The following FBXL7 variants were observed in gnomAD, a reference collection of about 807,000 sequenced individuals.
FBXL7 encodes the protein F-box and leucine rich repeat protein 7.
A neutral mutation model predicts 38.3 loss-of-function variants in FBXL7; 12 were observed. The observed-to-expected ratio is 0.31, with a 90% CI of 0.20 to 0.51. The LOEUF (loss-of-function observed/expected upper bound fraction) is 0.51. FBXL7 is among the 20% of genes least tolerant of loss of function. The pLI is 0.98. For synonymous variants in FBXL7, 297 were observed against 300.9 expected (o/e 0.99, Z 0.13); for missense variants, 567 against 676.4 (o/e 0.84, Z 1.79).
At chr5:15,778,872 T>A (rs555292855) in intron 2 of FBXL7, among the ~76,000 whole-genome samples, 2 of 152,096 alleles carry the variant, frequency 1.3e-5, no homozygotes, top group African/African-American at 4.8e-5. Context: ...AAGGATAATC[T>A]TGCTAGGGAT....
chr5:15,760,532 C>T (rs1736414449), intron 2 of FBXL7, among the ~76,000 whole-genome samples: 1 of 151,926 alleles, frequency 6.6e-6, no homozygotes, highest in Admixed American at 6.6e-5. Flanking sequence ...CTCATCATTG[C>T]CTAACACATT....
intron 1 of FBXL7, among the ~76,000 whole-genome samples, chr5:15,569,503 G>A (rs1195336658): frequency 2.0e-5 from 3 of 151,118 alleles, no homozygotes; most frequent in African/African-American, 7.3e-5. Context: ...GAGACGATGG[G>A]GTTTTCTAGA....
At chr5:15,529,980 T>C (rs1378430946) in intron 1 of FBXL7, among the ~76,000 whole-genome samples, 1 of 152,178 alleles carries the variant, frequency 6.6e-6, no homozygotes, top group Non-Finnish European at 1.5e-5. Context: ...GAAGTGTATA[T>C]TGATATCTGT....
intron 1 of FBXL7, among the ~76,000 whole-genome samples, chr5:15,562,541 CT>C (rs941006834): frequency 6.6e-6 from 1 of 151,908 alleles, no homozygotes; most frequent in Non-Finnish European, 1.5e-5. Flanking sequence ...TTATACCTCA[CT>C]TTTTTTTAGT....
chr5:15,751,777 G>A (rs1235740022), intron 2 of FBXL7, among the ~76,000 whole-genome samples: 1 of 152,146 alleles, frequency 6.6e-6, no homozygotes, highest in Admixed American at 6.6e-5. Context: ...GGTGTTTGGA[G>A]GATTTGCTCT....
intron 2 of FBXL7, among the ~76,000 whole-genome samples, chr5:15,912,480 G>GCAGAAA (rs1741461090): frequency 3.4e-5 from 5 of 148,850 alleles, no homozygotes; most frequent in Non-Finnish European, 5.9e-5. Flanking sequence ...GAAATCACCC[G>GCAGAAA]TCTTCTGCGT....
chr5:15,690,796 G>C (rs982136667), intron 2 of FBXL7, among the ~76,000 whole-genome samples: 13 of 152,276 alleles, frequency 8.5e-5, no homozygotes, highest in African/African-American at 2.4e-4. Flanking sequence ...GGAATGTTGT[G>C]GGGGTGGAGG....
At chr5:15,801,268 T>C (rs1310088531) in intron 2 of FBXL7, among the ~76,000 whole-genome samples, 3 of 152,130 alleles carry the variant, frequency 2.0e-5, no homozygotes, top group Non-Finnish European at 4.4e-5. Flanking sequence ...GACTAATCAT[T>C]ATAAGGGATT....
chr5:15,628,476 A>T lies in FBXL7; in HGVS notation c.127+12404A>T, dbSNP rs535150321. Among the ~76,000 whole-genome samples, 59 of 152,300 alleles carry T rather than the reference A, an allele frequency of 3.9e-4. 1 individual carries two copies. The highest frequency in any genetic ancestry group is 2.5e-3 in the South Asian group (12 of 4,828). Reference sequence around the variant, plus strand: ...CTTTAGTCAAGTCTATGAAACTCACAACATGCTTGGTGGGGATAGATTTAC... The same window carrying T: ...CTTTAGTCAAGTCTATGAAACTCACTACATGCTTGGTGGGGATAGATTTAC... On this transcript the variant is annotated intron_variant, in intron 2 of 3. Transcript: ENST00000504595.
At position 15,836,731 on chromosome 5, in the gene FBXL7, A is replaced by G. The variant is rs1362992966; in HGVS notation, c.128-91159A>G. On this transcript the variant is annotated intron_variant, in intron 2 of 3. Coordinates refer to ENST00000504595, the MANE Select transcript of FBXL7 (RefSeq NM_012304.5). ...GTGATGCAGTATGCCCCATTTAGTC[A>G]GAGGTACTCTTCAAGTTTAGGAGCA... 1.3e-4 allele frequency among the ~76,000 whole-genome samples: 20 copies of G among 152,188 alleles called. 1 individual carries two copies. The highest frequency in any genetic ancestry group is 1.3e-3 in the Admixed American group (20 of 15,276).
chr5:15,919,511 G>T lies in FBXL7; in HGVS notation c.128-8379G>T, dbSNP rs371526574. Among the ~76,000 whole-genome samples, 17 of 152,140 alleles carry T rather than the reference G, an allele frequency of 1.1e-4. No homozygotes were observed. The East Asian group carries it at 3.1e-3, about 28-fold the overall frequency. On this transcript the variant is annotated intron_variant, in intron 2 of 3. Coordinates refer to ENST00000504595, the MANE Select transcript of FBXL7 (RefSeq NM_012304.5). ...GTAATTTAAGAATAAAAAACATACT[G>T]TTCCCACACAAATACTTGAAAGTAT... is the stretch of plus-strand genomic sequence containing the variant.
chr5:15,840,237 T>C (rs1475488924), intron 2 of FBXL7, among the ~76,000 whole-genome samples: 1 of 152,164 alleles, frequency 6.6e-6, no homozygotes, highest in Non-Finnish European at 1.5e-5. Flanking sequence ...TGAAAAGTCT[T>C]TTTTATGTGC....
At chr5:15,889,775 C>T (rs1191367689) in intron 2 of FBXL7, among the ~76,000 whole-genome samples, 2 of 152,210 alleles carry the variant, frequency 1.3e-5, no homozygotes, top group Non-Finnish European at 2.9e-5. Context: ...GCATATGGCA[C>T]TGTGCATTGA....
intron 2 of FBXL7, among the ~76,000 whole-genome samples, chr5:15,664,116 A>G (rs1486465801): frequency 1.3e-5 from 2 of 151,962 alleles, no homozygotes; most frequent in Non-Finnish European, 2.9e-5. Context: ...GTTTAGTTAT[A>G]TCTCTTAGAA....
intron 2 of FBXL7, among the ~76,000 whole-genome samples, chr5:15,639,859 C>T (rs1741301824): frequency 6.6e-6 from 1 of 152,092 alleles, no homozygotes; most frequent in African/African-American, 2.4e-5. Flanking sequence ...CGAGGGAACA[C>T]AGACAATGCT....
intron 1 of FBXL7, among the ~76,000 whole-genome samples, chr5:15,586,795 T>C (rs1739321521): frequency 6.6e-6 from 1 of 152,212 alleles, no homozygotes; most frequent in Non-Finnish European, 1.5e-5. Context: ...AAAAACACTT[T>C]AAAAATTTCA....
chr5:15,595,632 A>G (rs1340426711), intron 1 of FBXL7, among the ~76,000 whole-genome samples: 1 of 152,190 alleles, frequency 6.6e-6, no homozygotes, highest in Non-Finnish European at 1.5e-5. Context: ...GGTGCTTTAC[A>G]TGTGTTAATT....
chr5:15,924,469 T>TA (rs34166844), intron 2 of FBXL7, among the ~76,000 whole-genome samples: 40,337 of 151,880 alleles, frequency 0.27, 5,427 homozygotes, highest in Admixed American at 0.35. Flanking sequence ...TAATACTGTG[T>TA]AAAAAATCAC....
intron 2 of FBXL7, among the ~76,000 whole-genome samples, chr5:15,866,141 GAAA>G (rs984288113): frequency 6.6e-5 from 10 of 151,578 alleles, no homozygotes; most frequent in African/African-American, 2.4e-4. Flanking sequence ...TTTGTTACTG[GAAA>G]AAAAAGTCTC....
Sources: gnomAD v4.1 joint callset for allele counts (sites outside exome capture counted in the v4.1 genomes callset) on GRCh38, gnomAD v4.1.1 for gene constraint, MANE v1.5 for transcripts, NCBI Gene and HGNC (gene_info 2026-07-23, HGNC 2026-07-21) for gene names.